The following PTPRG variants were observed in gnomAD, a reference collection of about 807,000 sequenced individuals.
PTPRG encodes receptor-type tyrosine-protein phosphatase gamma.
In PTPRG, 102 loss-of-function variants were observed where a neutral mutation model predicts 165.3. That is an observed-to-expected ratio of 0.62 (90% CI 0.53 to 0.73). PTPRG has a LOEUF of 0.73. Ranked by LOEUF, PTPRG falls within the 30% of genes least tolerant of loss-of-function variation. The probability of loss-of-function intolerance (pLI) is 0.00; values close to 1 mark genes in which losing one functional copy is unlikely to be tolerated. For missense variants in PTPRG, 1,866 were observed against 1,861.4 expected (o/e 1.00, Z -0.05); for synonymous variants, 675 against 669.5 (o/e 1.01, Z -0.13).
chr3:62,052,910 G>T (rs1318717570), intron 4 of PTPRG, among the ~76,000 whole-genome samples: 1 of 152,118 alleles, frequency 6.6e-6, no homozygotes, highest in Non-Finnish European at 1.5e-5. Context: ...CTTTCTGTTT[G>T]TCAGATACAT....
intron 4 of PTPRG, among the ~76,000 whole-genome samples, chr3:62,045,211 G>C (rs1035693559): frequency 6.6e-6 from 1 of 152,168 alleles, no homozygotes; most frequent in African/African-American, 2.4e-5. Context: ...AATTCAGGAA[G>C]AAGTTTCCCC....
chr3:62,182,482 A>G (rs1318922196), intron 8 of PTPRG, among the ~76,000 whole-genome samples: 31 of 152,196 alleles, frequency 2.0e-4, no homozygotes, highest in Middle Eastern at 3.2e-3. Context: ...CAGATCTCCT[A>G]AGGACACTCA....
intron 2 of PTPRG, among the ~76,000 whole-genome samples, chr3:61,888,266 T>TTA (rs1314471382): frequency 6.6e-6 from 1 of 152,072 alleles, no homozygotes; most frequent in Non-Finnish European, 1.5e-5. Context: ...GTTTTAGACG[T>TTA]ATTATGCCCC....
At chr3:61,925,797 G>T in intron 2 of PTPRG, 1 of 443,988 alleles carries the variant, frequency 2.3e-6, no homozygotes, top group Non-Finnish European at 4.6e-6. Flanking sequence ...CAACCTATAC[G>T]CCAGTGTTCA....
chr3:61,799,191 A>G (rs1272665608), intron 2 of PTPRG, among the ~76,000 whole-genome samples: 12 of 152,104 alleles, frequency 7.9e-5, no homozygotes, highest in Non-Finnish European at 1.6e-4. Flanking sequence ...GAGTTCCCAT[A>G]TACCCCAAAT....
intron 1 of PTPRG, among the ~76,000 whole-genome samples, chr3:61,563,369 C>T (rs956960337): frequency 6.6e-6 from 1 of 152,128 alleles, no homozygotes; most frequent in Admixed American, 6.5e-5. Context: ...CTCGGCGACC[C>T]TCCACTTCCA....
rs1051840174 is a variant in PTPRG at position 61,822,859 on chromosome 3, CA to C, written c.190+73883del. On this transcript the variant is annotated intron_variant, in intron 2 of 29. Transcript: ENST00000474889. ...TCTCTAACAGTCCTCATACCTTCCC[CA>C]AAAAAGGAGACAGAGGAAAGGCAAT... Among the ~76,000 whole-genome samples, 40 of 152,200 alleles carry C rather than the reference CA, an allele frequency of 2.6e-4. 2 individuals carry two copies. Among genetic ancestry groups the C allele is most frequent in the African/African-American group, 9.1e-4 (38 of 41,532 alleles).
intron 4 of PTPRG, among the ~76,000 whole-genome samples, chr3:62,017,559 G>A (rs538631463): frequency 2.0e-5 from 3 of 151,078 alleles, no homozygotes; most frequent in African/African-American, 7.3e-5. Context: ...GGGACTACAG[G>A]CGCCCACCAC....
At chr3:62,208,439 C>G (rs1700281789) in intron 12 of PTPRG, among the ~76,000 whole-genome samples, 1 of 152,166 alleles carries the variant, frequency 6.6e-6, no homozygotes, top group South Asian at 2.1e-4. Context: ...ATTAGGGAAA[C>G]TCTTTTTTCA....
At chr3:62,038,436 C>G (rs550557658) in intron 4 of PTPRG, among the ~76,000 whole-genome samples, 6 of 152,216 alleles carry the variant, frequency 3.9e-5, no homozygotes, top group South Asian at 2.1e-4. Context: ...CTTGCTCTGT[C>G]ACCCAGGTTG....
At chr3:61,938,235 CT>C (rs59553874) in intron 2 of PTPRG, among the ~76,000 whole-genome samples, 558 of 135,202 alleles carry the variant, frequency 4.1e-3, no homozygotes, top group African/African-American at 5.0e-3. Context: ...TTTCTTTTTC[CT>C]TTTTTTTTTT....
At chr3:62,058,114 A>C (rs549729719) in intron 4 of PTPRG, among the ~76,000 whole-genome samples, 1 of 152,184 alleles carries the variant, frequency 6.6e-6, no homozygotes, top group Admixed American at 6.5e-5. Flanking sequence ...TTCCCCTAGC[A>C]TGCAATTCCC....
rs1163630942 is a variant in PTPRG at position 61,671,889 on chromosome 3, C to CG, written c.86-76981dup. 4.2e-3 allele frequency among the ~76,000 whole-genome samples: 584 copies of CG among 137,902 alleles called. 3 individuals carry two copies. The highest frequency in any genetic ancestry group is 0.013 in the East Asian group (57 of 4,286). 90.5% of individuals were successfully genotyped at this position (137,902 alleles called of 152,430 possible). On this transcript the variant is annotated intron_variant, in intron 1 of 29. Coordinates refer to ENST00000474889, the MANE Select transcript of PTPRG (RefSeq NM_002841.4). Reference sequence around the variant, plus strand: ...CTCCCGGACTGGGCGGCTGGATGGGCGGGGGGGGCTGATCCCCCCACCTCC... The same window carrying CG: ...CTCCCGGACTGGGCGGCTGGATGGGCGGGGGGGGGCTGATCCCCCCACCTCC...
chr3:62,046,074 G>A (rs192456447), intron 4 of PTPRG, among the ~76,000 whole-genome samples: 1 of 152,242 alleles, frequency 6.6e-6, no homozygotes, highest in East Asian at 1.9e-4. Context: ...TCTCTTGGTT[G>A]TTATGTGAGG....
intron 2 of PTPRG, among the ~76,000 whole-genome samples, chr3:61,818,573 A>AGC (rs2035859164): frequency 2.6e-5 from 4 of 152,226 alleles, no homozygotes; most frequent in Admixed American, 2.6e-4. Context: ...CTGAAGTGGG[A>AGC]GCATCACTTG....
chr3:62,291,095 A>T (rs1399364723), intron 28 of PTPRG, among the ~76,000 whole-genome samples: 1 of 152,144 alleles, frequency 6.6e-6, no homozygotes, highest in East Asian at 1.9e-4. Context: ...CAGAAGAGGA[A>T]ATATAGATGG....
intron 4 of PTPRG, among the ~76,000 whole-genome samples, chr3:62,071,971 G>A (rs567097253): frequency 6.6e-6 from 1 of 152,250 alleles, no homozygotes; most frequent in South Asian, 2.1e-4. Context: ...AAAGGCTCAG[G>A]TTTTCAGATT....
chr3:62,108,873 AT>A (rs1211457730), intron 5 of PTPRG, among the ~76,000 whole-genome samples: 1 of 151,942 alleles, frequency 6.6e-6, no homozygotes, highest in Non-Finnish European at 1.5e-5. Context: ...TCCTTTGCCC[AT>A]TTTTTGATGG....
In PTPRG at chr3:62,224,090, T is replaced by C. The variant is rs1208327302; in HGVS notation, c.2288+5107T>C. ...ATAATGTTAATGAAATTGGTTTGGG[T>C]GATGCTCCTAATAGGCCTTAAAGTC... On this transcript the variant is annotated intron_variant, in intron 13 of 29. Transcript: ENST00000474889. This position sits in a 1 kb window ranked among gnomAD's most constrained non-coding sequence, Gnocchi z 4.9. Among the ~76,000 whole-genome samples, 1 of 152,128 alleles carries C rather than the reference T, an allele frequency of 6.6e-6. No individual in the cohort carries two copies. The highest frequency in any genetic ancestry group is 1.5e-5 in the Non-Finnish European group (1 of 68,018).
Sources: gnomAD v4.1 joint callset for allele counts (sites outside exome capture counted in the v4.1 genomes callset) on GRCh38, gnomAD v4.1.1 for gene constraint, Gnocchi (gnomAD v3.1) non-coding constraint, MANE v1.5 for transcripts, NCBI Gene and HGNC (gene_info 2026-07-23, HGNC 2026-07-21) for gene names.